The following CGN variants were observed in gnomAD, a reference collection of about 807,000 sequenced individuals.
CGN encodes cingulin.
CGN carries 121 observed loss-of-function variants against 157.1 expected under a neutral mutation model. The ratio of observed to expected loss-of-function variants is 0.77; its 90% CI spans 0.66 to 0.90. The LOEUF (loss-of-function observed/expected upper bound fraction) is 0.90. Ranked by LOEUF, CGN falls within the 40% of genes least tolerant of loss-of-function variation. CGN has a pLI of 0.00. For missense variants in CGN, 1,424 were observed against 1,520.9 expected (o/e 0.94, Z 1.06); for synonymous variants, 535 against 607.5 (o/e 0.88, Z 1.76).
chr1:151,537,082 T>C (rs1158245896), intron 20 of CGN, 123 bp from the exon 21 acceptor site: 1 of 1,264,500 alleles, frequency 7.9e-7, no homozygotes, highest in African/African-American at 1.5e-5. Context: ...ATCTGATTAG[T>C]TGGGGATTTT....
At position 151,532,529 on chromosome 1, in the gene CGN, A is replaced by T; in HGVS notation, c.2699A>T (p.Glu900Val). 6.3e-7 allele frequency: 1 copy of T among 1,585,540 alleles called. No individual in the cohort carries two copies. The highest frequency in any genetic ancestry group is 8.6e-7 in the Non-Finnish European group (1 of 1,166,262). ...CGCCAGGCCAAGGATTGGGCCAGTG[A>T]GGCTGAGAAGACCTCTGGAGGACTG... ...AQRQAKDWAS[E>V]AEKTSGGLSR... is the part of the protein sequence containing the mutation. Residue 900 changes from glutamate (E) to valine (V), a missense_variant, in exon 14 of 21, where the codon GAG becomes GTG. Glu to Val is a moderately radical substitution (Grantham distance 121). Coordinates refer to ENST00000271636, the MANE Select transcript of CGN (RefSeq NM_020770.3).
intron 11 of CGN, 22 bp from the exon 12 acceptor site, chr1:151,529,887 C>A: frequency 6.2e-7 from 1 of 1,603,268 alleles, no homozygotes; most frequent in East Asian, 2.2e-5. Flanking sequence ...GTCTGAGCTG[C>A]CACCCCCTGA....
chr1:151,523,841 A>G (rs1411076172), intron 6 of CGN, among the ~76,000 whole-genome samples: 2 of 152,242 alleles, frequency 1.3e-5, no homozygotes, highest in Admixed American at 1.3e-4. Flanking sequence ...TCACAGGATC[A>G]TTGTAAGGAT....
Position 151,519,092 on chromosome 1 carries a change from C to A in CGN, c.573C>A (p.Gly191=). Residue 191 remains glycine (G), a synonymous_variant, in exon 2 of 21, where the codon GGC becomes GGA. Transcript: ENST00000271636. ...LINKFDSQLG[G]QARGRTGRRT... is the part of the protein sequence containing the mutation. ...ACAAGTTTGACAGTCAACTTGGAGG[C>A]CAGGCCCGGGGTCGGACTGGCCGCC... 1 of 1,614,134 alleles carries A rather than the reference C, an allele frequency of 6.2e-7. No homozygotes were observed. The highest frequency in any genetic ancestry group is 8.5e-7 in the Non-Finnish European group (1 of 1,180,048).
At chr1:151,520,093 C>A in intron 2 of CGN, 73 bp from the exon 3 acceptor site, 1 of 1,171,020 alleles carries the variant, frequency 8.5e-7, no homozygotes, top group Non-Finnish European at 1.2e-6. Flanking sequence ...CTGAACCCCA[C>A]GCATGCTTCT....
intron 10 of CGN, chr1:151,527,947 T>C (rs1359934104): frequency 1.4e-5 from 2 of 143,302 alleles, no homozygotes; most frequent in Non-Finnish European, 2.4e-5. Context: ...TATATATATA[T>C]ATATTTTTTT....
chr1:151,524,673 G>C lies in CGN; in HGVS notation c.1402-1G>C. On this transcript the variant is annotated splice_acceptor_variant, in intron 7 of 20. Transcript: ENST00000271636. LOFTEE classifies it high-confidence loss of function. This position sits in a 1 kb window ranked among gnomAD's most constrained non-coding sequence, Gnocchi z 4.4. ...TGTACTTCTTCCTTTATTTTCTCCA[G>C]GACCTGTTAGAGACCCGGGAACTTC... is the stretch of plus-strand genomic sequence containing the variant. 1 of 1,604,096 alleles carries C rather than the reference G, an allele frequency of 6.2e-7. No homozygotes were observed. Among genetic ancestry groups the C allele is most frequent in the African/African-American group, 1.3e-5 (1 of 74,302 alleles).
At chr1:151,513,422 G>A (rs74324778) in intron 1 of CGN, among the ~76,000 whole-genome samples, 2 of 152,280 alleles carry the variant, frequency 1.3e-5, no homozygotes, top group African/African-American at 4.8e-5. Context: ...GATCCACGGG[G>A]AACCTTCTTA....
intron 1 of CGN, among the ~76,000 whole-genome samples, chr1:151,515,057 A>G (rs1664378297): frequency 6.7e-6 from 1 of 150,000 alleles, no homozygotes; most frequent in African/African-American, 2.5e-5. Flanking sequence ...TCTGTGACCC[A>G]GGCTGGCGGA....
chr1:151,532,407 G>A lies in CGN; in HGVS notation c.2577G>A (p.Glu859=). ...RTVDRLNKEL[E]KIGEDSKQAL... is the part of the protein sequence containing the mutation. ...CCCTTTTCTCTGTGTTTCAGTTGGAGAAGATCGGGGAGGACTCTAAGCAAG... is the reference window on the plus strand; with the variant it reads ...CCCTTTTCTCTGTGTTTCAGTTGGAAAAGATCGGGGAGGACTCTAAGCAAG... The change falls in exon 14 of 21, where the codon GAG becomes GAA. Residue 859 remains glutamate, a synonymous_variant. Transcript: ENST00000271636. The A allele has an allele frequency of 6.4e-7, 1 of 1,560,150 alleles. No individual in the cohort carries two copies. Among genetic ancestry groups the A allele is most frequent in the Non-Finnish European group, 8.6e-7 (1 of 1,158,698 alleles).
chr1:151,532,596 T>G (rs765823989), intron 14 of CGN, 24 bp downstream of exon 14: 6 of 1,399,830 alleles, frequency 4.3e-6, no homozygotes, highest in Non-Finnish European at 5.6e-6. Flanking sequence ...ATCCTTGGGT[T>G]TGAAGGTCCT....
chr1:151,521,160 AAGTAAATTGCCTATGGT>A (rs147153196), intron 5 of CGN, among the ~76,000 whole-genome samples: 1,555 of 152,306 alleles, frequency 0.01, 14 homozygotes, highest in Non-Finnish European at 0.017. Flanking sequence ...CAGAGAGGCT[AAGTAAATTGCCTATGGT>A]AGTAAGTTGC....
chr1:151,535,030 C>T lies in CGN; in HGVS notation c.2905-12C>T, dbSNP rs1402492619. On this transcript the variant is annotated splice_polypyrimidine_tract_variant and intron_variant, in intron 15 of 20. Coordinates refer to ENST00000271636, the MANE Select transcript of CGN (RefSeq NM_020770.3). ...AGCATTTGGGACAGAATTACTTGTT[C>T]TTCTGTCCTAGGAAAAAGTCTCACG... The T allele has an allele frequency of 6.3e-7, 1 of 1,597,226 alleles. No homozygotes were observed. Among genetic ancestry groups the T allele is most frequent in the South Asian group, 1.1e-5 (1 of 90,588 alleles).
chr1:151,517,906 A>G (rs1664448188), intron 1 of CGN, among the ~76,000 whole-genome samples: 1 of 151,348 alleles, frequency 6.6e-6, no homozygotes, highest in Non-Finnish European at 1.5e-5. Context: ...GCTGGAGAAC[A>G]GTGGCATAAT....
chr1:151,534,212 G>A (rs1333681962), intron 15 of CGN, 76 bp downstream of exon 15: 8 of 1,365,464 alleles, frequency 5.9e-6, no homozygotes, highest in Admixed American at 2.6e-5. Flanking sequence ...GGTCAAAACC[G>A]ACAGCCCACA....
At chr1:151,516,036 G>C (rs533958433) in intron 1 of CGN, among the ~76,000 whole-genome samples, 7 of 152,200 alleles carry the variant, frequency 4.6e-5, no homozygotes, top group African/African-American at 7.2e-5. Flanking sequence ...CCTAATAAAG[G>C]GCTCTTCTCT....
intron 10 of CGN, among the ~76,000 whole-genome samples, chr1:151,529,107 A>G (rs914705620): frequency 9.9e-5 from 15 of 152,148 alleles, no homozygotes; most frequent in African/African-American, 3.6e-4. Context: ...TACTATGAAC[A>G]TTCGCGTATA....
Position 151,520,706 on chromosome 1 carries a change from G to A in CGN, c.1140+15G>A. ...AAGAGGTGAAGGTAAGGAAAGGTTA[G>A]AGGTGCCGGAGGCATGAAGGAAAAC... On this transcript the variant is annotated intron_variant, in intron 5 of 20. Coordinates refer to ENST00000271636, the MANE Select transcript of CGN (RefSeq NM_020770.3). 6.2e-7 allele frequency: 1 copy of A among 1,604,550 alleles called. No individual in the cohort carries two copies. Among genetic ancestry groups the A allele is most frequent in the Non-Finnish European group, 8.5e-7 (1 of 1,174,036 alleles).
intron 1 of CGN, among the ~76,000 whole-genome samples, chr1:151,517,604 G>A (rs1343173618): frequency 1.3e-5 from 2 of 149,166 alleles, no homozygotes; most frequent in East Asian, 2.0e-4. Flanking sequence ...TCCACCTCCC[G>A]GGTTCAAGCA....
Sources: allele counts gnomAD v4.1 joint callset (sites outside exome capture counted in the v4.1 genomes callset), GRCh38; gene constraint gnomAD v4.1.1; non-coding constraint Gnocchi (gnomAD v3.1); transcripts MANE v1.5; gene names NCBI Gene and HGNC (gene_info 2026-07-23, HGNC 2026-07-21).